DLG2: variants seen among roughly 807,000 people sequenced by gnomAD.
DLG2 encodes the protein disks large homolog 2.
DLG2 carries 45 observed loss-of-function variants against 132.5 expected under a neutral mutation model. The observed-to-expected ratio is 0.34, with a 90% CI of 0.27 to 0.44. The LOEUF (loss-of-function observed/expected upper bound fraction) is 0.44. DLG2 is among the 20% of genes least tolerant of loss of function. The pLI, the probability that DLG2 is intolerant of heterozygous loss-of-function variation, is 1.00. For missense variants in DLG2, 1,045 were observed against 1,196.9 expected, an observed-to-expected ratio of 0.87 and a Z score of 1.87; for synonymous variants, 424 against 419.6, an observed-to-expected ratio of 1.01 and a Z score of -0.13.
chr11:83,767,868 T>C (rs1209478280), intron 18 of DLG2, among the ~76,000 whole-genome samples: 1 of 152,186 alleles, frequency 6.6e-6, no homozygotes, highest in Non-Finnish European at 1.5e-5. Flanking sequence ...TAGTCCCTTT[T>C]CACAGATGAG....
intron 7 of DLG2, among the ~76,000 whole-genome samples, chr11:84,285,884 C>G (rs766638125): frequency 6.6e-6 from 1 of 152,144 alleles, no homozygotes; most frequent in Non-Finnish European, 1.5e-5. Flanking sequence ...TGAGTAGGTA[C>G]TCAATAAATA....
chr11:84,479,691 CAA>C (rs1443965279), intron 7 of DLG2, among the ~76,000 whole-genome samples: 1 of 151,754 alleles, frequency 6.6e-6, no homozygotes, highest in Admixed American at 6.6e-5. Context: ...ATATGTTAAC[CAA>C]AGACAGGCAT....
chr11:83,672,457 G>T (rs565312257), intron 18 of DLG2, among the ~76,000 whole-genome samples: 2 of 152,270 alleles, frequency 1.3e-5, no homozygotes, highest in Non-Finnish European at 2.9e-5. Context: ...GATTGCAGGT[G>T]TGAGCCACCG....
At chr11:85,011,938 G>T (rs1255636522) in intron 6 of DLG2, among the ~76,000 whole-genome samples, 1 of 152,038 alleles carries the variant, frequency 6.6e-6, no homozygotes, top group South Asian at 2.1e-4. Context: ...ACTATTCTAG[G>T]TTCTAGAGGC....
At chr11:84,609,369 AGTT>A (rs2099591358) in intron 6 of DLG2, among the ~76,000 whole-genome samples, 1 of 152,184 alleles carries the variant, frequency 6.6e-6, no homozygotes. Context: ...AATAGTCAAT[AGTT>A]GTTAAGTGTT....
At chr11:84,046,332 T>C (rs2096242732) in intron 11 of DLG2, among the ~76,000 whole-genome samples, 1 of 151,574 alleles carries the variant, frequency 6.6e-6, no homozygotes, top group Non-Finnish European at 1.5e-5. Context: ...GATCAGAATA[T>C]TTGACATCTT....
intron 6 of DLG2, among the ~76,000 whole-genome samples, chr11:84,659,745 C>T (rs1430499131): frequency 6.6e-6 from 1 of 152,166 alleles, no homozygotes; most frequent in Non-Finnish European, 1.5e-5. Context: ...AGACCACCCT[C>T]CTTTCTGATA....
At chr11:84,054,770 CA>C (rs1453037604) in intron 11 of DLG2, among the ~76,000 whole-genome samples, 2 of 152,030 alleles carry the variant, frequency 1.3e-5, no homozygotes, top group Non-Finnish European at 1.5e-5. Flanking sequence ...TAATTTGCCA[CA>C]AATCACTGTT....
intron 6 of DLG2, among the ~76,000 whole-genome samples, chr11:84,650,250 A>G (rs2099679909): frequency 6.6e-6 from 1 of 152,030 alleles, no homozygotes; most frequent in South Asian, 2.1e-4. Flanking sequence ...CTCCCACTAC[A>G]ATTGAACTCT....
intron 18 of DLG2, among the ~76,000 whole-genome samples, chr11:83,748,172 T>C (rs1487609661): frequency 6.6e-6 from 1 of 152,206 alleles, no homozygotes; most frequent in Non-Finnish European, 1.5e-5. Flanking sequence ...GGTCTACCCT[T>C]GATACATATT....
At chr11:84,853,215 A>T (rs2082361687) in intron 6 of DLG2, among the ~76,000 whole-genome samples, 1 of 151,962 alleles carries the variant, frequency 6.6e-6, no homozygotes, top group African/African-American at 2.4e-5. Context: ...TGCTTCTTTG[A>T]TAGACTACAT....
chr11:84,185,705 G>C (rs2096262845), intron 8 of DLG2, among the ~76,000 whole-genome samples: 1 of 152,070 alleles, frequency 6.6e-6, no homozygotes, highest in Non-Finnish European at 1.5e-5. Flanking sequence ...ATTGGCTGTG[G>C]GTTTGTCATA....
In DLG2 at chr11:84,912,812, GA is replaced by G. The variant is rs200645321; in HGVS notation, c.357+198848del. On this transcript the variant is annotated intron_variant, in intron 6 of 27. Coordinates refer to ENST00000376104, the MANE Select transcript of DLG2 (RefSeq NM_001142699.3). ...CAGAAGGTAATGATGGAAAGTGACT[GA>G]GGCCATCATGAGGATGAAAATTTTG... is the stretch of plus-strand genomic sequence containing the variant. Among the ~76,000 whole-genome samples, 1,128 of 152,362 alleles carry G rather than the reference GA, an allele frequency of 7.4e-3. 11 individuals carry two copies. The highest frequency in any genetic ancestry group is 0.026 in the African/African-American group (1,098 of 41,584).
At chr11:84,540,196 C>G in intron 6 of DLG2, among the ~76,000 whole-genome samples, 1 of 152,096 alleles carries the variant, frequency 6.6e-6, no homozygotes, top group East Asian at 1.9e-4. Flanking sequence ...CAAATGGGAT[C>G]TAATTAAACT....
intron 6 of DLG2, among the ~76,000 whole-genome samples, chr11:84,906,531 C>T (rs1320509268): frequency 6.6e-6 from 1 of 151,808 alleles, no homozygotes; most frequent in Non-Finnish European, 1.5e-5. Context: ...AGACAATTAA[C>T]TGACAGCTTA....
chr11:84,649,420 G>A (rs2099678820), intron 6 of DLG2, among the ~76,000 whole-genome samples: 1 of 152,120 alleles, frequency 6.6e-6, no homozygotes, highest in Non-Finnish European at 1.5e-5. Flanking sequence ...GCCCCATGAG[G>A]TAGATATTAT....
At chr11:84,971,852 T>G (rs1481097630) in intron 6 of DLG2, among the ~76,000 whole-genome samples, 3 of 152,026 alleles carry the variant, frequency 2.0e-5, no homozygotes, top group Non-Finnish European at 4.4e-5. Flanking sequence ...TGTGATAAAA[T>G]GTAGGCGAGA....
At chr11:84,751,656 A>G (rs2066130465) in intron 6 of DLG2, among the ~76,000 whole-genome samples, 1 of 152,170 alleles carries the variant, frequency 6.6e-6, no homozygotes. Flanking sequence ...AAGAAAGCAC[A>G]TAGAGAGGTA....
At chr11:83,729,464 T>A (rs926689467) in intron 18 of DLG2, among the ~76,000 whole-genome samples, 2 of 152,224 alleles carry the variant, frequency 1.3e-5, no homozygotes, top group Admixed American at 6.5e-5. Context: ...CTCAGGTTAA[T>A]CAAGTCTAAT....
Sources: allele counts gnomAD v4.1 joint callset (sites outside exome capture counted in the v4.1 genomes callset), GRCh38; gene constraint gnomAD v4.1.1; transcripts MANE v1.5; gene names NCBI Gene and HGNC (gene_info 2026-07-23, HGNC 2026-07-21).